Variants in ACACB observed in about 807,000 individuals in gnomAD.
ACACB encodes the protein acetyl-CoA carboxylase beta, also known as acetyl-CoA carboxylase 2.
In ACACB, 209 loss-of-function variants were observed where a neutral mutation model predicts 278.8. The ratio of observed to expected loss-of-function variants is 0.75; its 90% CI spans 0.67 to 0.84. ACACB has a LOEUF of 0.84. ACACB is among the 40% of genes least tolerant of loss of function. The pLI is 0.00. For missense variants in ACACB, 2,850 were observed against 3,269.0 expected (o/e 0.87, Z 3.13); for synonymous variants, 1,174 against 1,285.6 (o/e 0.91, Z 1.86).
At chr12:109,156,689 T>A (rs1488929844) in intron 2 of ACACB, among the ~76,000 whole-genome samples, 1 of 152,004 alleles carries the variant, frequency 6.6e-6, no homozygotes, top group East Asian at 1.9e-4. Context: ...TTAGGATATG[T>A]TTACCTGGTC....
chr12:109,188,181 CCTTCCTT>C lies in ACACB; in HGVS notation c.2144+21_2144+27del. On this transcript the variant is annotated intron_variant, in intron 13 of 52. Transcript: ENST00000338432. ...CCATTTCGTCAGTATCTCCTTCCTTCCTTCCTTCCTTCCTTCCTTCCTTCCTTCCTTC... is the reference window on the plus strand; with the variant it reads ...CCATTTCGTCAGTATCTCCTTCCTTCCCTTCCTTCCTTCCTTCCTTCCTTC... 1 of 544,772 alleles carries C rather than the reference CCTTCCTT, an allele frequency of 1.8e-6. No individual in the cohort carries two copies. Among genetic ancestry groups the C allele is most frequent in the Non-Finnish European group, 2.9e-6 (1 of 344,392 alleles). The allele number at this position is 544,772 out of a possible 1,614,324, so 33.7% of individuals were successfully genotyped here. A position where few individuals can be genotyped will look rare whatever the true frequency, so the allele number is the denominator to read the frequency against.
chr12:109,222,940 C>T, intron 26 of ACACB, 28 bp downstream of exon 26: 14 of 1,542,138 alleles, frequency 9.1e-6, no homozygotes, highest in Non-Finnish European at 1.2e-5. Flanking sequence ...CTTTCACCAT[C>T]TGCAGAGCAC....
chr12:109,195,511 T>C (rs4300440), intron 16 of ACACB, among the ~76,000 whole-genome samples: 87,789 of 152,030 alleles, frequency 0.58, 25,605 homozygotes, highest in Middle Eastern at 0.71. Flanking sequence ...ATGCACAATG[T>C]AGAAAATTTC....
Position 109,168,035 on chromosome 12 carries a change from G to T in ACACB, c.925+1G>T, listed in dbSNP as rs2043979894. 2 of 1,604,296 alleles carry T rather than the reference G, an allele frequency of 1.2e-6. No individual in the cohort carries two copies. The highest frequency in any genetic ancestry group is 1.3e-5 in the African/African-American group (1 of 74,708). On this transcript the variant is annotated splice_donor_variant, in intron 4 of 52. Transcript: ENST00000338432. LOFTEE classifies it high-confidence loss of function. ...CCCGAGGACCTTAAGGCCAACGCAG[G>T]TACCTGGGCCTTGACCCTCTCCTCC...
chr12:109,201,505 C>A (rs1201673982), intron 18 of ACACB, 62 bp from the exon 19 acceptor site: 3 of 1,595,886 alleles, frequency 1.9e-6, no homozygotes, highest in Non-Finnish European at 2.6e-6. Context: ...ATCACTAGTT[C>A]TGGGTGGCTC....
Position 109,262,569 on chromosome 12 carries a change from A to G in ACACB, c.6787+100A>G. ...GATGTTAAAAATAAAATGAAAAAAT[A>G]CCAAAATACAGCTATAATAACTGTG... On this transcript the variant is annotated intron_variant, in intron 49 of 52. Transcript: ENST00000338432. The G allele has an allele frequency of 4.6e-6, 3 of 655,430 alleles. 1 individual carries two copies. Among genetic ancestry groups the G allele is most frequent in the East Asian group, 5.5e-5 (2 of 36,502 alleles). 40.6% of individuals were successfully genotyped at this position (655,430 alleles called of 1,614,324 possible). A position where few individuals can be genotyped will look rare whatever the true frequency, so the allele number is the denominator to read the frequency against.
In ACACB at chr12:109,262,390, G is replaced by C; in HGVS notation, c.6708G>C (p.Glu2236Asp). The change falls in exon 49 of 53, where the codon GAG becomes GAC. Residue 2236 changes from glutamate to aspartate, a missense_variant. Glu to Asp is a conservative substitution (Grantham distance 45). Around this residue, in one of 3 missense-constraint regions of ACACB, gnomAD observed 579 missense variants for 684.6 expected, o/e 0.85. Transcript: ENST00000338432. Reference protein sequence around the residue: ...GGVLEPEGTVEIKFRKKDLIK... With the variant: ...GGVLEPEGTVDIKFRKKDLIK... ...TTCTGGAACCAGAGGGGACAGTGGA[G>C]ATTAAGTTCCGAAAGAAAGATCTGA... is the stretch of plus-strand genomic sequence containing the variant. 6.2e-7 allele frequency: 1 copy of C among 1,613,620 alleles called. No homozygotes were observed. The highest frequency in any genetic ancestry group is 1.3e-5 in the African/African-American group (1 of 74,982).
intron 41 of ACACB, among the ~76,000 whole-genome samples, chr12:109,251,609 C>T (rs532971369): frequency 1.6e-4 from 25 of 152,300 alleles, no homozygotes; most frequent in East Asian, 5.8e-4. Context: ...CTTACATAAC[C>T]GTAGTACATT....
rs752100508 is a variant in ACACB, at chr12:109,209,323, C to T, written c.3219C>T (p.Thr1073=). Residue 1073 remains threonine, a synonymous_variant, in exon 21 of 53, where the codon ACC becomes ACT. Coordinates refer to ENST00000338432, the MANE Select transcript of ACACB (RefSeq NM_001093.4). ...RVMAQYASNI[T]SVLCQFPSQQ... ...TGGCCCAGTATGCCAGCAACATCAC[C>T]TCGGTGCTGTGCCAGTTCCCCAGCC... 1.9e-6 allele frequency: 3 copies of T among 1,612,252 alleles called. No individual in the cohort carries two copies. Among genetic ancestry groups the T allele is most frequent in the Non-Finnish European group, 1.7e-6 (2 of 1,179,926 alleles).
chr12:109,229,083 C>T (rs1201958036), intron 28 of ACACB, among the ~76,000 whole-genome samples: 1 of 152,120 alleles, frequency 6.6e-6, no homozygotes, highest in Non-Finnish European at 1.5e-5. Context: ...GCTGGGACTA[C>T]AGGCGCACAC....
At chr12:109,203,654 C>T (rs890633500) in intron 19 of ACACB, among the ~76,000 whole-genome samples, 3 of 152,342 alleles carry the variant, frequency 2.0e-5, no homozygotes, top group Non-Finnish European at 2.9e-5. Context: ...AGGCAGGTGC[C>T]GGGGGCGTCC....
intron 1 of ACACB, among the ~76,000 whole-genome samples, chr12:109,133,022 C>T (rs2042869426): frequency 6.6e-6 from 1 of 152,152 alleles, no homozygotes; most frequent in Non-Finnish European, 1.5e-5. Context: ...CCTTCTCTCT[C>T]CACACACCAC....
In ACACB at chr12:109,267,734, T is replaced by G. The variant is rs1398918072; in HGVS notation, c.*1372T>G. 6.6e-6 allele frequency: 1 copy of G among 152,594 alleles called. No homozygotes were observed. The highest frequency in any genetic ancestry group is 1.5e-5 in the Non-Finnish European group (1 of 68,348). The allele number at this position is 152,594 out of a possible 1,614,324, so 9.5% of individuals were successfully genotyped here. ...AGAACGTTGCAATGCACCCAGCAGC[T>G]CCTGGCTCTGCAGGCGGCACAGCCT... On this transcript the variant is annotated 3_prime_UTR_variant, in exon 53 of 53. Coordinates refer to ENST00000338432, the MANE Select transcript of ACACB (RefSeq NM_001093.4).
chr12:109,123,245 C>T (rs756366993), intron 1 of ACACB, among the ~76,000 whole-genome samples: 9 of 151,924 alleles, frequency 5.9e-5, no homozygotes, highest in Non-Finnish European at 1.2e-4. Context: ...GCCCATATAC[C>T]CCTGATTAGA....
chr12:109,201,768 T>A (rs369073765), intron 19 of ACACB, 67 bp downstream of exon 19: 15 of 1,575,340 alleles, frequency 9.5e-6, no homozygotes, highest in East Asian at 4.5e-5. Context: ...ACTGGTTCAG[T>A]GAGACAGGTG....
rs1416568431 is a variant in ACACB, at chr12:109,233,838, T to C, written c.4230T>C (p.Asp1410=). 7 of 1,614,046 alleles carry C rather than the reference T, an allele frequency of 4.3e-6. No homozygotes were observed. The South Asian group carries it at 5.5e-5, about 13-fold the overall frequency. The change falls in exon 30 of 53, where the codon GAT becomes GAC. Residue 1410 remains aspartate (D), a synonymous_variant. Coordinates refer to ENST00000338432, the MANE Select transcript of ACACB (RefSeq NM_001093.4). ...CCCGCACCTCCCTATACTCCGAGGATGACTGCAAGGTAAGCGTCTAAGCCC... is the reference window on the plus strand; with the variant it reads ...CCCGCACCTCCCTATACTCCGAGGACGACTGCAAGGTAAGCGTCTAAGCCC... ...SEARTSLYSE[D]DCKSLREEPI...
chr12:109,250,149 A>G, intron 41 of ACACB, 45 bp downstream of exon 41: 3 of 1,527,992 alleles, frequency 2.0e-6, no homozygotes, highest in Non-Finnish European at 2.6e-6. Context: ...TTTCCATTAT[A>G]GAAACTTTAA....
intron 24 of ACACB, among the ~76,000 whole-genome samples, chr12:109,218,801 C>T (rs1320289003): frequency 6.6e-6 from 1 of 150,486 alleles, no homozygotes; most frequent in Non-Finnish European, 1.5e-5. Context: ...CAGAGTCTCA[C>T]TCTATCCCCC....
intron 2 of ACACB, among the ~76,000 whole-genome samples, chr12:109,148,013 A>G (rs941312444): frequency 6.6e-6 from 1 of 152,198 alleles, no homozygotes; most frequent in Non-Finnish European, 1.5e-5. Flanking sequence ...TGATAGGATC[A>G]TGCAAACTCA....
Sources: gnomAD v4.1 joint callset for allele counts (sites outside exome capture counted in the v4.1 genomes callset) on GRCh38, gnomAD v4.1.1 for gene constraint, gnomAD v4.1.1 regional missense constraint, MANE v1.5 for transcripts, NCBI Gene and HGNC (gene_info 2026-07-23, HGNC 2026-07-21) for gene names.